KLHL1: variants seen among roughly 807,000 people sequenced by gnomAD.
The protein encoded by KLHL1 is kelch-like protein 1.
Under a neutral mutation model 77.7 loss-of-function variants are expected in KLHL1, and 47 were observed. The ratio of observed to expected loss-of-function variants is 0.60; its 90% CI spans 0.48 to 0.77. KLHL1 has a LOEUF of 0.77. Among genes scored for constraint, KLHL1 ranks in the 30% least tolerant of loss-of-function variants. The pLI is 0.00. For missense variants in KLHL1, 925 were observed against 910.8 expected, an observed-to-expected ratio of 1.02 and a Z score of -0.20; for synonymous variants, 360 against 325.2, an observed-to-expected ratio of 1.11 and a Z score of -1.15.
chr13:70,025,742 A>G (rs1000382031), intron 1 of KLHL1, among the ~76,000 whole-genome samples: 1 of 151,818 alleles, frequency 6.6e-6, no homozygotes, highest in Non-Finnish European at 1.5e-5. Flanking sequence ...CATGTTTTAA[A>G]AATATGTACA....
chr13:70,067,886 T>G (rs1265358132), intron 1 of KLHL1, among the ~76,000 whole-genome samples: 3 of 152,066 alleles, frequency 2.0e-5, no homozygotes, highest in Non-Finnish European at 4.4e-5. Flanking sequence ...CATAGAAGGA[T>G]GTATTGAAGA....
chr13:69,949,745 G>A (rs898561214), intron 3 of KLHL1, among the ~76,000 whole-genome samples: 6 of 151,172 alleles, frequency 4.0e-5, no homozygotes, highest in Non-Finnish European at 8.9e-5. Flanking sequence ...TCATTTCACA[G>A]GATTTTTTGA....
At chr13:70,058,518 G>A (rs1447850275) in intron 1 of KLHL1, among the ~76,000 whole-genome samples, 4 of 152,094 alleles carry the variant, frequency 2.6e-5, no homozygotes, top group Non-Finnish European at 5.9e-5. Flanking sequence ...CTTAACCAAA[G>A]AAGTGGAAGA....
intron 1 of KLHL1, among the ~76,000 whole-genome samples, chr13:70,029,319 T>A (rs921544825): frequency 2.6e-5 from 4 of 152,180 alleles, no homozygotes; most frequent in Non-Finnish European, 5.9e-5. Flanking sequence ...AAAAGGCTGG[T>A]CACTGTAGAA....
intron 7 of KLHL1, among the ~76,000 whole-genome samples, chr13:69,772,681 G>A (rs2059299): frequency 0.36 from 55,374 of 151,856 alleles, 10,318 homozygotes; most frequent in African/African-American, 0.43. Context: ...TACATCTACC[G>A]TGTGTAAAGT....
chr13:69,736,842 G>A (rs1012953467), intron 8 of KLHL1, among the ~76,000 whole-genome samples: 1 of 152,134 alleles, frequency 6.6e-6, no homozygotes, highest in African/African-American at 2.4e-5. Flanking sequence ...TCTCTCGTAA[G>A]TGGGAGATAA....
chr13:69,808,490 A>G (rs981155185), intron 6 of KLHL1, among the ~76,000 whole-genome samples: 4 of 152,166 alleles, frequency 2.6e-5, no homozygotes, highest in African/African-American at 4.8e-5. Context: ...CCCAGAAATG[A>G]AGTCAATAAA....
intron 2 of KLHL1, among the ~76,000 whole-genome samples, chr13:69,965,824 C>G (rs1884195781): frequency 6.6e-6 from 1 of 152,114 alleles, no homozygotes; most frequent in Non-Finnish European, 1.5e-5. Flanking sequence ...AAGATGAAAC[C>G]TGCCACAACA....
intron 9 of KLHL1, among the ~76,000 whole-genome samples, chr13:69,709,347 C>T (rs573233491): frequency 2.0e-5 from 3 of 151,820 alleles, no homozygotes; most frequent in Non-Finnish European, 2.9e-5. Flanking sequence ...ATAAAAGATA[C>T]CACAAGGGAG....
At chr13:70,073,300 T>C (rs998427179) in intron 1 of KLHL1, among the ~76,000 whole-genome samples, 6 of 151,924 alleles carry the variant, frequency 3.9e-5, no homozygotes, top group African/African-American at 1.5e-4. Context: ...CAGCAAACTA[T>C]TGCAAGGACA....
chr13:70,013,028 T>A (rs1026347894), intron 1 of KLHL1, among the ~76,000 whole-genome samples: 1 of 152,196 alleles, frequency 6.6e-6, no homozygotes, highest in Non-Finnish European at 1.5e-5. Flanking sequence ...TAAGTTCTTG[T>A]ATTTACACAA....
chr13:70,068,525 C>G (rs1448615428), intron 1 of KLHL1, among the ~76,000 whole-genome samples: 1 of 152,140 alleles, frequency 6.6e-6, no homozygotes, highest in African/African-American at 2.4e-5. Context: ...TTAAGTTTCA[C>G]AAATGTTACC....
chr13:69,890,252 GT>G (rs1881377456), intron 4 of KLHL1, among the ~76,000 whole-genome samples: 1 of 151,898 alleles, frequency 6.6e-6, no homozygotes, highest in African/African-American at 2.4e-5. Flanking sequence ...AAAAGAAAAT[GT>G]TTGTAATAGA....
In KLHL1 at chr13:69,839,053, A is replaced by G; in HGVS notation, c.1337T>C (p.Met446Thr). Residue 446 changes from methionine to threonine, a missense_variant, in exon 6 of 11, where the codon ATG becomes ACG. Transcript: ENST00000377844. ...YHLLPERRTLMQSPRTKPRKS... is the reference protein window; with the variant it reads ...YHLLPERRTLTQSPRTKPRKS... ...TCTGGGTTTAGTTCTCGGACTTTGC[A>G]TTAAAGTTCTTCTTTCTGGCAATAG... 6.2e-7 allele frequency: 1 copy of G among 1,611,356 alleles called. No individual in the cohort carries two copies. Among genetic ancestry groups the G allele is most frequent in the Non-Finnish European group, 8.5e-7 (1 of 1,178,404 alleles).
At chr13:70,013,932 T>C (rs973314045) in intron 1 of KLHL1, among the ~76,000 whole-genome samples, 9 of 152,172 alleles carry the variant, frequency 5.9e-5, no homozygotes, top group Middle Eastern at 3.2e-3. Flanking sequence ...CCTTAATGTT[T>C]ACAACTGCAA....
At chr13:69,939,378 T>TATATATACAC (rs1200160699) in intron 4 of KLHL1, among the ~76,000 whole-genome samples, 3,086 of 69,058 alleles carry the variant, frequency 0.045, 125 homozygotes, top group Non-Finnish European at 0.06. Flanking sequence ...TATATATATA[T>TATATATACAC]ACACACACAC....
intron 1 of KLHL1, 42 bp from the exon 2 acceptor site, chr13:69,975,844 A>G (rs1884531131): frequency 6.7e-7 from 1 of 1,498,868 alleles, no homozygotes; most frequent in Non-Finnish European, 8.8e-7. Context: ...AAAATAATAA[A>G]GGGATTTATA....
rs116805311 is a variant in KLHL1, at chr13:69,995,561, G to A, written c.498-19759C>T. On this transcript the variant is annotated intron_variant, in intron 1 of 10. Coordinates refer to ENST00000377844, the MANE Select transcript of KLHL1 (RefSeq NM_020866.3). ...TAAGAAAGAATGCTGTAAAATTGCT[G>A]CAAATCTATAATGGAAATATTTATC... Among the ~76,000 whole-genome samples the A allele has an allele frequency of 7.2e-3, 1,101 of 152,182 alleles. 15 individuals are homozygous for A. The highest frequency in any genetic ancestry group is 0.026 in the African/African-American group (1,065 of 41,512).
chr13:69,768,147 CCCAAATAT>C (rs1435784528), intron 7 of KLHL1, among the ~76,000 whole-genome samples: 3 of 152,114 alleles, frequency 2.0e-5, no homozygotes, highest in African/African-American at 7.2e-5. Flanking sequence ...CAAATACCTA[CCCAAATAT>C]CCATAGATCA....
Sources: gnomAD v4.1 joint callset for allele counts (sites outside exome capture counted in the v4.1 genomes callset) on GRCh38, gnomAD v4.1.1 for gene constraint, MANE v1.5 for transcripts, NCBI Gene and HGNC (gene_info 2026-07-23, HGNC 2026-07-21) for gene names.